Variants in CREBBP observed in about 807,000 individuals in gnomAD.
CREBBP encodes CREB binding lysine acetyltransferase, also known as CREB-binding protein.
In CREBBP, 19 loss-of-function variants were observed where a neutral mutation model predicts 265.0. That is an observed-to-expected ratio of 0.07 (90% CI 0.05 to 0.11). The LOEUF is 0.11. CREBBP is among the 10% of genes least tolerant of loss of function. CREBBP has a pLI of 1.00. For missense variants in CREBBP, 2,525 were observed against 3,219.0 expected (o/e 0.78, Z 5.22); for synonymous variants, 1,457 against 1,223.7 (o/e 1.19, Z -3.98).
At chr16:3,836,571 T>G (rs905860299) in intron 2 of CREBBP, among the ~76,000 whole-genome samples, 10 of 151,938 alleles carry the variant, frequency 6.6e-5, no homozygotes, top group Non-Finnish European at 1.3e-4. Flanking sequence ...GATAGGGGTG[T>G]GGGTTACATG....
chr16:3,825,772 A>G (rs574558557), intron 2 of CREBBP, among the ~76,000 whole-genome samples: 67 of 152,344 alleles, frequency 4.4e-4, no homozygotes, highest in African/African-American at 1.4e-3. Flanking sequence ...AACCTCTTAT[A>G]AGAGACAAAG....
At chr16:3,740,853 G>A in intron 23 of CREBBP, 1 of 419,600 alleles carries the variant, frequency 2.4e-6, no homozygotes, top group Non-Finnish European at 4.5e-6. Context: ...AGGGGCTCTA[G>A]GGCGGAGCAG....
intron 26 of CREBBP, among the ~76,000 whole-genome samples, chr16:3,738,167 G>A (rs185194514): frequency 1.3e-3 from 202 of 152,158 alleles, no homozygotes; most frequent in East Asian, 7.9e-3. Context: ...GTGATCCACC[G>A]CAGCAGGAGG....
rs1386378948 is a variant in CREBBP, at chr16:3,845,891, A to C, written c.798+4406T>G. Among the ~76,000 whole-genome samples the C allele has an allele frequency of 3.6e-3, 534 of 150,022 alleles. 5 individuals carry two copies. Among genetic ancestry groups the C allele is most frequent in the Admixed American group, 0.025 (379 of 15,026 alleles). On this transcript the variant is annotated intron_variant, in intron 2 of 30. Coordinates refer to ENST00000262367, the MANE Select transcript of CREBBP (RefSeq NM_004380.3). ...AACAAACTGAGACCCTATCTCAAAAAAAAAAAAAAAAAAAAAAGTCATGTA... is the reference window on the plus strand; with the variant it reads ...AACAAACTGAGACCCTATCTCAAAACAAAAAAAAAAAAAAAAAGTCATGTA...
intron 23 of CREBBP, chr16:3,740,878 G>A (rs1273458480): frequency 2.1e-5 from 8 of 386,630 alleles, no homozygotes; most frequent in African/African-American, 1.5e-4. Context: ...ATGTTTCCCT[G>A]TTGCTTCCCG....
chr16:3,833,164 G>T (rs1226256836), intron 2 of CREBBP, among the ~76,000 whole-genome samples: 2 of 152,244 alleles, frequency 1.3e-5, no homozygotes, highest in African/African-American at 4.8e-5. Context: ...TATAATCCCA[G>T]CACTTTGGGA....
At chr16:3,876,913 C>T (rs762214674) in intron 1 of CREBBP, among the ~76,000 whole-genome samples, 3 of 152,174 alleles carry the variant, frequency 2.0e-5, no homozygotes, top group Non-Finnish European at 2.9e-5. Context: ...AACATCCATG[C>T]CCCCAGATGA....
chr16:3,746,203 A>G (rs1201796812), intron 21 of CREBBP, among the ~76,000 whole-genome samples: 1 of 152,116 alleles, frequency 6.6e-6, no homozygotes, highest in Non-Finnish European at 1.5e-5. Context: ...GCTTTGAGCT[A>G]CAGCTCCTCT....
intron 5 of CREBBP, among the ~76,000 whole-genome samples, chr16:3,789,709 T>TAAA (rs113579931): frequency 1.3e-5 from 2 of 151,094 alleles, no homozygotes; most frequent in African/African-American, 4.9e-5. Flanking sequence ...CATACTTTTG[T>TAAA]AAAAAAAAAC....
chr16:3,764,496 G>T (rs1245224012), intron 16 of CREBBP, among the ~76,000 whole-genome samples: 2 of 151,952 alleles, frequency 1.3e-5, no homozygotes, highest in Non-Finnish European at 2.9e-5. Flanking sequence ...GGCTGGTCTT[G>T]AACGCCTGGC....
At position 3,726,710 on chromosome 16, in the gene CREBBP, A is replaced by C; in HGVS notation, c.*1008T>G. On this transcript the variant is annotated 3_prime_UTR_variant, in exon 31 of 31. Transcript: ENST00000262367. ...GGTACTTTATATACAATGGGGAAAA[A>C]ACACATGCATAGTCCAAATACAATG... 4.3e-6 allele frequency: 1 copy of C among 233,660 alleles called. No individual in the cohort carries two copies. Among genetic ancestry groups the C allele is most frequent in the Non-Finnish European group, 8.5e-6 (1 of 118,048 alleles). The allele number at this position is 233,660 out of a possible 1,614,324, so 14.5% of individuals were successfully genotyped here. A position where few individuals can be genotyped will look rare whatever the true frequency, so the allele number is the denominator to read the frequency against.
Position 3,850,738 on chromosome 16 carries a change from G to A in CREBBP, c.357C>T (p.Gly119=). The change falls in exon 2 of 31, where the codon GGC becomes GGT. Residue 119 remains glycine, a synonymous_variant. Coordinates refer to ENST00000262367, the MANE Select transcript of CREBBP (RefSeq NM_004380.3). ...SANMASLSAM[G]KSPLSQGDSS... The stretch of plus-strand genomic sequence containing the variant: ...AATCTCCCTGGCTCAGAGGGCTCTT[G>A]CCCATGGCACTGAGGCTGGCCATGT... 6 of 1,614,080 alleles carry A rather than the reference G, an allele frequency of 3.7e-6. No homozygotes were observed. The highest frequency in any genetic ancestry group is 5.1e-6 in the Non-Finnish European group (6 of 1,180,048).
At chr16:3,760,681 G>A (rs928102587) in intron 16 of CREBBP, among the ~76,000 whole-genome samples, 1 of 151,942 alleles carries the variant, frequency 6.6e-6, no homozygotes, top group Non-Finnish European at 1.5e-5. Flanking sequence ...TGGGATTACA[G>A]GCATGAGCCA....
intron 1 of CREBBP, among the ~76,000 whole-genome samples, chr16:3,864,420 G>A (rs1019318608): frequency 2.0e-5 from 3 of 152,122 alleles, no homozygotes; most frequent in Non-Finnish European, 2.9e-5. Context: ...CGAGGCAGGG[G>A]GACTGCTTGG....
chr16:3,766,353 A>G (rs1418669447), intron 16 of CREBBP, among the ~76,000 whole-genome samples: 2 of 152,218 alleles, frequency 1.3e-5, no homozygotes, highest in Admixed American at 6.5e-5. Context: ...GATTTTCTTC[A>G]TACACTTCAA....
intron 1 of CREBBP, among the ~76,000 whole-genome samples, chr16:3,863,544 G>A (rs529934097): frequency 3.3e-5 from 5 of 152,282 alleles, no homozygotes; most frequent in South Asian, 2.1e-4. Context: ...AGAGGCTACC[G>A]TGAGCCGAGA....
intron 23 of CREBBP, among the ~76,000 whole-genome samples, chr16:3,743,983 G>T (rs1053961189): frequency 1.3e-5 from 2 of 152,072 alleles, no homozygotes; most frequent in African/African-American, 4.8e-5. Flanking sequence ...GGCTGAGGCA[G>T]GAGAATCGCT....
intron 28 of CREBBP, among the ~76,000 whole-genome samples, chr16:3,734,738 T>A (rs1406068982): frequency 6.6e-6 from 1 of 151,590 alleles, no homozygotes; most frequent in Non-Finnish European, 1.5e-5. Context: ...TGGGGCGCCG[T>A]CCAGCAGGTG....
rs753131664 is a variant in CREBBP, at chr16:3,777,588, T to C, written c.2158+25A>G. ...GGCTGTTGAATGTAAAACTAAAATA[T>C]GATTCACCACAAACAGTTCAATACC... On this transcript the variant is annotated intron_variant, in intron 11 of 30. Coordinates refer to ENST00000262367, the MANE Select transcript of CREBBP (RefSeq NM_004380.3). The C allele has an allele frequency of 1.1e-5, 17 of 1,613,028 alleles. No individual in the cohort carries two copies. In the African/African-American group the frequency reaches 1.2e-4, roughly 11 times the overall value.
Sources: gnomAD v4.1 joint callset for allele counts (sites outside exome capture counted in the v4.1 genomes callset) on GRCh38, gnomAD v4.1.1 for gene constraint, MANE v1.5 for transcripts, NCBI Gene and HGNC (gene_info 2026-07-23, HGNC 2026-07-21) for gene names.